Variants in CNTLN observed in about 807,000 individuals in gnomAD.
The protein encoded by CNTLN is centlein, centrosomal protein.
Under a neutral mutation model 180.0 loss-of-function variants are expected in CNTLN, and 212 were observed. The observed-to-expected ratio is 1.18, with a 90% confidence interval of 1.05 to 1.32. The LOEUF (loss-of-function observed/expected upper bound fraction) is 1.32, where lower values mean the gene tolerates loss of function less well. Among genes scored for constraint, CNTLN ranks in the 40% most tolerant of loss-of-function variants. The pLI is 0.00. For synonymous variants in CNTLN, 722 were observed against 563.1 expected, an observed-to-expected ratio of 1.28 and a Z score of -3.99; for missense variants, 2,095 against 1,610.9, an observed-to-expected ratio of 1.30 and a Z score of -5.14.
chr9:17,502,168 T>C (rs780989994), intron 25 of CNTLN, among the ~76,000 whole-genome samples: 2 of 152,348 alleles, frequency 1.3e-5, no homozygotes, highest in South Asian at 2.1e-4. Context: ...CATTCTTTTA[T>C]GAGTGATGAA....
At chr9:17,420,070 A>G (rs1828589553) in intron 18 of CNTLN, among the ~76,000 whole-genome samples, 1 of 151,974 alleles carries the variant, frequency 6.6e-6, no homozygotes, top group East Asian at 1.9e-4. Context: ...ACGCAACACC[A>G]CGCCTGGCTA....
At chr9:17,394,181 T>G (rs1826316127) in intron 14 of CNTLN, among the ~76,000 whole-genome samples, 1 of 152,178 alleles carries the variant, frequency 6.6e-6, no homozygotes, top group African/African-American at 2.4e-5. Flanking sequence ...TTTATCTACT[T>G]TTAGACATTT....
intron 5 of CNTLN, among the ~76,000 whole-genome samples, chr9:17,259,549 G>A: frequency 6.7e-6 from 1 of 150,266 alleles, no homozygotes; most frequent in Non-Finnish European, 1.5e-5. Flanking sequence ...CAGAAGGAAT[G>A]GTACCAGTTC....
At chr9:17,382,792 T>C (rs1393099266) in intron 13 of CNTLN, among the ~76,000 whole-genome samples, 2 of 152,214 alleles carry the variant, frequency 1.3e-5, no homozygotes, top group Non-Finnish European at 2.9e-5. Context: ...TATTCTCTTA[T>C]TTAGTGACTT....
At chr9:17,183,416 G>C (rs1287071276) in intron 2 of CNTLN, among the ~76,000 whole-genome samples, 2 of 151,702 alleles carry the variant, frequency 1.3e-5, no homozygotes, top group Non-Finnish European at 2.9e-5. Context: ...TAGGGTTGCA[G>C]TCTTATATGT....
chr9:17,312,553 A>ATTTTTTT (rs56915301), intron 8 of CNTLN, among the ~76,000 whole-genome samples: 156 of 100,254 alleles, frequency 1.6e-3, no homozygotes, highest in Middle Eastern at 6.0e-3. Context: ...AGCCCGGCTA[A>ATTTTTTT]TTTTTTTTTT....
At chr9:17,229,045 T>TA (rs1473311596) in intron 3 of CNTLN, among the ~76,000 whole-genome samples, 1 of 152,020 alleles carries the variant, frequency 6.6e-6, no homozygotes. Flanking sequence ...ATAGTTTAGT[T>TA]AGAGGGAAGA....
the CNTLN span, among the ~76,000 whole-genome samples, chr9:17,512,774 C>G: frequency 6.6e-6 from 1 of 152,176 alleles, no homozygotes; most frequent in Non-Finnish European, 1.5e-5. Context: ...ACTGGGAGCT[C>G]TGTGCTAGGA....
intron 5 of CNTLN, among the ~76,000 whole-genome samples, chr9:17,240,707 TTA>T (rs2132190314): frequency 6.6e-6 from 1 of 152,272 alleles, no homozygotes; most frequent in African/African-American, 2.4e-5. Flanking sequence ...TCTGTTCACT[TTA>T]TTGATTGCCC....
At chr9:17,164,468 T>TG (rs1421990707) in intron 2 of CNTLN, among the ~76,000 whole-genome samples, 77 of 140,742 alleles carry the variant, frequency 5.5e-4, no homozygotes, top group African/African-American at 1.5e-3. Flanking sequence ...TTTTTTTTTT[T>TG]TTTTTTTTTT....
Position 17,415,966 on chromosome 9 carries a change from T to A in CNTLN, c.2891T>A (p.Val964Asp), listed in dbSNP as rs554736092. 2.5e-6 allele frequency: 4 copies of A among 1,602,564 alleles called. No individual in the cohort carries two copies. Among genetic ancestry groups the A allele is most frequent in the Admixed American group, 3.4e-5 (2 of 58,324 alleles). Residue 964 changes from valine (V) to aspartate (D), a missense_variant and splice_region_variant, in exon 18 of 26, where the codon GTC becomes GAC. By Grantham distance (152) the Val-to-Asp change is radical. Transcript: ENST00000380647. ...KSSHTAVPTR[V>D]NREKYKNITA... ...TATGAACAATATTGTTTTTATGTAGTCAACAGAGAAAAGTACAAAAATATA... is the reference window on the plus strand; with the variant it reads ...TATGAACAATATTGTTTTTATGTAGACAACAGAGAAAAGTACAAAAATATA...
Position 17,332,619 on chromosome 9 carries a change from A to T in CNTLN, c.1533A>T (p.Lys511Asn). The T allele has an allele frequency of 6.2e-7, 1 of 1,607,362 alleles. No individual in the cohort carries two copies. The highest frequency in any genetic ancestry group is 8.5e-7 in the Non-Finnish European group (1 of 1,177,096). Reference protein sequence around the residue: ...AEGKHKEPPVKRSRSLSPKSS... With the variant: ...AEGKHKEPPVNRSRSLSPKSS... ...TTATTCTCGAGGAACCACCTGTGAA[A>T]CGTTCAAGGTCTTTGTCCCCAAAGA... is the stretch of plus-strand genomic sequence containing the variant. The change falls in exon 10 of 26, where the codon AAA becomes AAT. Residue 511 changes from lysine to asparagine, a missense_variant. By Grantham distance (94) the Lys-to-Asn change is moderately conservative. Transcript: ENST00000380647.
At chr9:17,162,817 T>C (rs1233658933) in intron 2 of CNTLN, among the ~76,000 whole-genome samples, 1 of 152,144 alleles carries the variant, frequency 6.6e-6, no homozygotes, top group Middle Eastern at 3.2e-3. Flanking sequence ...AGGGTGAAGC[T>C]CTTTTTCATT....
At chr9:17,273,164 A>T (rs1587444137) in intron 5 of CNTLN, among the ~76,000 whole-genome samples, 2 of 125,560 alleles carry the variant, frequency 1.6e-5, no homozygotes, top group South Asian at 6.7e-4. Context: ...TAATTTTAAA[A>T]TCCTTTCACA....
At chr9:17,466,194 T>G in intron 22 of CNTLN, 76 bp downstream of exon 22, 1 of 1,363,962 alleles carries the variant, frequency 7.3e-7, no homozygotes. Context: ...CATTGTTGCT[T>G]TTTCCTTCCC....
intron 2 of CNTLN, among the ~76,000 whole-genome samples, chr9:17,188,011 C>CATATAT (rs10556334): frequency 1.5e-4 from 22 of 145,778 alleles, no homozygotes; most frequent in East Asian, 1.2e-3. Flanking sequence ...ATATATACAC[C>CATATAT]ATATATATAT....
intron 18 of CNTLN, among the ~76,000 whole-genome samples, chr9:17,430,239 C>G (rs1475062140): frequency 6.6e-6 from 1 of 151,878 alleles, no homozygotes; most frequent in Non-Finnish European, 1.5e-5. Context: ...AATCATATTC[C>G]TGTTCCAGTC....
intron 2 of CNTLN, among the ~76,000 whole-genome samples, chr9:17,177,738 C>G (rs1820815379): frequency 6.6e-6 from 1 of 152,094 alleles, no homozygotes; most frequent in African/African-American, 2.4e-5. Flanking sequence ...AAGCTGCAGA[C>G]CTTCGCGGTG....
intron 18 of CNTLN, among the ~76,000 whole-genome samples, chr9:17,417,740 C>A (rs1254407632): frequency 1.3e-5 from 2 of 151,836 alleles, no homozygotes; most frequent in Non-Finnish European, 2.9e-5. Context: ...AAAAATAGTA[C>A]CCTAGGGATT....
Sources: allele counts gnomAD v4.1 joint callset (sites outside exome capture counted in the v4.1 genomes callset), GRCh38; gene constraint gnomAD v4.1.1; transcripts MANE v1.5; gene names NCBI Gene and HGNC (gene_info 2026-07-23, HGNC 2026-07-21).